ERG: variants seen among roughly 807,000 people sequenced by gnomAD.
The protein encoded by ERG is transcriptional regulator ERG.
Under a neutral mutation model 55.3 loss-of-function variants are expected in ERG, and 9 were observed. That is an observed-to-expected ratio of 0.16 (90% CI 0.10 to 0.28). The LOEUF (loss-of-function observed/expected upper bound fraction) is 0.28. ERG is among the 10% of genes least tolerant of loss of function. The pLI is 1.00. For synonymous variants in ERG, 223 were observed against 237.3 expected, an observed-to-expected ratio of 0.94 and a Z score of 0.55; for missense variants, 434 against 631.6, an observed-to-expected ratio of 0.69 and a Z score of 3.35.
intron 3 of ERG, among the ~76,000 whole-genome samples, chr21:38,418,812 A>G (rs902815997): frequency 4.4e-4 from 66 of 151,404 alleles, no homozygotes; most frequent in African/African-American, 1.5e-3. Context: ...CTGTAATCCC[A>G]GCTACTCAGG....
intron 6 of ERG, among the ~76,000 whole-genome samples, chr21:38,392,716 T>G (rs953695035): frequency 2.0e-5 from 3 of 152,206 alleles, no homozygotes; most frequent in Non-Finnish European, 4.4e-5. Flanking sequence ...CAACCATAAG[T>G]CAAGACCCCA....
At chr21:38,390,904 A>G in intron 9 of ERG, 91 bp downstream of exon 9, 1 of 1,001,362 alleles carries the variant, frequency 1.0e-6, no homozygotes, top group Non-Finnish European at 1.6e-6. Flanking sequence ...TGTTCAGTTG[A>G]AGGAATTTCT....
At chr21:38,646,372 G>C (rs1307833432) in intron 1 of ERG, among the ~76,000 whole-genome samples, 1 of 151,398 alleles carries the variant, frequency 6.6e-6, no homozygotes, top group African/African-American at 2.4e-5. Context: ...TCTCCTAGAA[G>C]ACAGGGCATT....
chr21:38,646,854 T>C (rs1228575207), intron 1 of ERG, among the ~76,000 whole-genome samples: 1 of 152,142 alleles, frequency 6.6e-6, no homozygotes, highest in African/African-American at 2.4e-5. Context: ...GTCAATGTGA[T>C]CCAGCTGCTG....
At chr21:38,598,045 G>C (rs1223722536) in intron 1 of ERG, among the ~76,000 whole-genome samples, 2 of 152,146 alleles carry the variant, frequency 1.3e-5, no homozygotes, top group African/African-American at 4.8e-5. Flanking sequence ...GAGTCACTGG[G>C]CTCCCTAGAT....
At chr21:38,622,467 C>T (rs2060297016) in intron 1 of ERG, among the ~76,000 whole-genome samples, 1 of 149,880 alleles carries the variant, frequency 6.7e-6, no homozygotes, top group African/African-American at 2.5e-5. Flanking sequence ...CCACACCATA[C>T]ACATACATGC....
intron 2 of ERG, among the ~76,000 whole-genome samples, chr21:38,534,221 T>G (rs1015710411): frequency 6.6e-6 from 1 of 152,236 alleles, no homozygotes; most frequent in African/African-American, 2.4e-5. Flanking sequence ...CTACCAATAT[T>G]CACCTCTGCA....
intron 1 of ERG, 79 bp from the exon 2 acceptor site, chr21:38,445,700 C>T: frequency 4.4e-6 from 5 of 1,148,114 alleles, no homozygotes; most frequent in Non-Finnish European, 6.5e-6. Context: ...TTTCAGAGTC[C>T]TTTCTAACTG....
chr21:38,590,676 C>T (rs1247698286), intron 1 of ERG, among the ~76,000 whole-genome samples: 1 of 152,064 alleles, frequency 6.6e-6, no homozygotes, highest in African/African-American at 2.4e-5. Context: ...TCCATCCATC[C>T]ACCCATCCAT....
chr21:38,497,339 C>G (rs1568855865), intron 1 of ERG, among the ~76,000 whole-genome samples: 1 of 152,230 alleles, frequency 6.6e-6, no homozygotes, highest in Non-Finnish European at 1.5e-5. Context: ...TATGAAAACA[C>G]CACCAAATGC....
intron 3 of ERG, among the ~76,000 whole-genome samples, chr21:38,412,335 T>C (rs979219160): frequency 2.6e-5 from 4 of 152,230 alleles, no homozygotes; most frequent in Admixed American, 6.5e-5. Flanking sequence ...TTGGTTTTGC[T>C]CTTTGACATT....
intron 1 of ERG, among the ~76,000 whole-genome samples, chr21:38,606,579 T>C (rs1350042759): frequency 6.6e-6 from 1 of 152,110 alleles, no homozygotes; most frequent in Non-Finnish European, 1.5e-5. Flanking sequence ...ACAGCATGGA[T>C]AAAAGATCAA....
In ERG at chr21:38,424,183, TCGA is replaced by T. The variant is rs1989698888; in HGVS notation, c.237-625_237-623del. Among the ~76,000 whole-genome samples the T allele has an allele frequency of 1.3e-4, 4 of 31,076 alleles. No homozygotes were observed. The East Asian group carries it at 3.3e-3, about 25-fold the overall frequency. The allele number at this position is 31,076 out of a possible 152,430, so 20.4% of individuals were successfully genotyped here. A position where few individuals can be genotyped will look rare whatever the true frequency, so the allele number is the denominator to read the frequency against. ...TATTAGAAAAGAAAGAGACCAGAGCTCGAGCTCTCTCTCTCTCTCTCTCTCTCT... is the reference window on the plus strand; with the variant it reads ...TATTAGAAAAGAAAGAGACCAGAGCTGCTCTCTCTCTCTCTCTCTCTCTCT... On this transcript the variant is annotated intron_variant, in intron 2 of 9. Coordinates refer to ENST00000288319, the MANE Select transcript of ERG (RefSeq NM_182918.4).
At chr21:38,580,980 G>C (rs1044062525) in intron 1 of ERG, among the ~76,000 whole-genome samples, 1 of 152,274 alleles carries the variant, frequency 6.6e-6, no homozygotes, top group African/African-American at 2.4e-5. Flanking sequence ...TGGACATCCC[G>C]ATCCACATGG....
At chr21:38,531,097 G>C (rs555054453) in intron 2 of ERG, among the ~76,000 whole-genome samples, 1 of 152,182 alleles carries the variant, frequency 6.6e-6, no homozygotes, top group Admixed American at 6.5e-5. Context: ...CTCCAGCAAG[G>C]GCACACACAC....
At chr21:38,645,394 T>A (rs1159564540) in intron 1 of ERG, among the ~76,000 whole-genome samples, 1 of 152,158 alleles carries the variant, frequency 6.6e-6, no homozygotes, top group Non-Finnish European at 1.5e-5. Context: ...TATCATCTCA[T>A]CTGACCCTGC....
chr21:38,640,492 G>A (rs898703515), intron 1 of ERG, among the ~76,000 whole-genome samples: 2 of 152,168 alleles, frequency 1.3e-5, no homozygotes, highest in East Asian at 1.9e-4. Flanking sequence ...GGAGCCGGTG[G>A]GAGATGATTG....
At chr21:38,425,743 G>A (rs1323014512) in intron 2 of ERG, among the ~76,000 whole-genome samples, 1 of 152,194 alleles carries the variant, frequency 6.6e-6, no homozygotes. Flanking sequence ...CTTCTTGTTA[G>A]TTGGAGTTCT....
At chr21:38,393,216 TA>T (rs1162352317) in intron 6 of ERG, among the ~76,000 whole-genome samples, 2 of 152,258 alleles carry the variant, frequency 1.3e-5, no homozygotes, top group African/African-American at 4.8e-5. Flanking sequence ...ACTTGTCCTA[TA>T]AACCTTCATT....
Sources: allele counts gnomAD v4.1 joint callset (sites outside exome capture counted in the v4.1 genomes callset), GRCh38; gene constraint gnomAD v4.1.1; transcripts MANE v1.5; gene names NCBI Gene and HGNC (gene_info 2026-07-23, HGNC 2026-07-21).